C10orf67: variants seen among roughly 807,000 people sequenced by gnomAD.
C10orf67 encodes the protein chromosome 10 open reading frame 67.
C10orf67 carries 60 observed loss-of-function variants against 35.6 expected under a neutral mutation model. The ratio of observed to expected loss-of-function variants is 1.68; its 90% CI spans 1.37 to 2.09. C10orf67 has a LOEUF of 2.09. Among genes scored for constraint, C10orf67 ranks in the 30% most tolerant of loss-of-function variants. The pLI is 0.00. For missense variants in C10orf67, 474 were observed against 330.2 expected, an observed-to-expected ratio of 1.44 and a Z score of -3.38; for synonymous variants, 167 against 115.8, an observed-to-expected ratio of 1.44 and a Z score of -2.84.
chr10:23,257,832 G>A (rs973739778), intron 10 of C10orf67, among the ~76,000 whole-genome samples: 1 of 151,518 alleles, frequency 6.6e-6, no homozygotes, highest in Non-Finnish European at 1.5e-5. Context: ...CTGTGGTCTA[G>A]TAGAGGTAAC....
rs569775592 is a variant in C10orf67 at position 23,206,532 on chromosome 10, C to T, written c.1571-2277G>A. Among the ~76,000 whole-genome samples the T allele has an allele frequency of 2.6e-5, 4 of 152,244 alleles. No individual in the cohort carries two copies. The South Asian group carries it at 6.2e-4, about 24-fold the overall frequency. On this transcript the variant is annotated intron_variant, in intron 15 of 15. Coordinates refer to ENST00000636213, the MANE Select transcript of C10orf67 (RefSeq NM_001371909.1). The stretch of plus-strand genomic sequence containing the variant: ...ACAACAATGCTGCCCTGGAGATGAC[C>T]TATTGCTTTCAAGTTGCTTGAACAC...
At chr10:23,221,966 A>G (rs1449193226) in intron 15 of C10orf67, among the ~76,000 whole-genome samples, 1 of 152,228 alleles carries the variant, frequency 6.6e-6, no homozygotes, top group East Asian at 1.9e-4. Context: ...GGTTATGTCC[A>G]CAGGCATCTG....
chr10:23,282,346 C>T (rs180787599), intron 7 of C10orf67, among the ~76,000 whole-genome samples: 166 of 152,286 alleles, frequency 1.1e-3, no homozygotes, highest in Admixed American at 2.7e-3. Context: ...AAAGCAAGTC[C>T]TACTCTGTCA....
chr10:23,305,967 G>GCACACA (rs149195889), intron 4 of C10orf67, among the ~76,000 whole-genome samples: 3 of 149,492 alleles, frequency 2.0e-5, no homozygotes, highest in South Asian at 4.2e-4. Flanking sequence ...TTACATACGC[G>GCACACA]CACACACACA....
intron 8 of C10orf67, among the ~76,000 whole-genome samples, chr10:23,274,165 C>T (rs1395901749): frequency 6.6e-6 from 1 of 152,032 alleles, no homozygotes; most frequent in African/African-American, 2.4e-5. Flanking sequence ...AATGAAAGAT[C>T]ACAAGTCAAA....
intron 2 of C10orf67, among the ~76,000 whole-genome samples, 175 bp from the exon 3 acceptor site, chr10:23,322,712 G>C (rs950592007): frequency 2.0e-5 from 3 of 152,034 alleles, no homozygotes; most frequent in African/African-American, 7.2e-5. Context: ...AGAGGATCAG[G>C]GAAAATACCT....
intron 15 of C10orf67, among the ~76,000 whole-genome samples, chr10:23,210,851 G>A (rs1225564972): frequency 6.6e-6 from 1 of 152,184 alleles, no homozygotes; most frequent in Admixed American, 6.5e-5. Flanking sequence ...CTTCAAAGAA[G>A]TAGCTTTCTA....
intron 10 of C10orf67, among the ~76,000 whole-genome samples, chr10:23,262,478 G>T (rs547050069): frequency 1.3e-5 from 2 of 152,314 alleles, no homozygotes; most frequent in East Asian, 3.9e-4. Flanking sequence ...CCCAATGGCT[G>T]ACAGTGCTTT....
intron 1 of C10orf67, among the ~76,000 whole-genome samples, chr10:23,341,143 C>G (rs1845867639): frequency 6.6e-6 from 1 of 152,180 alleles, no homozygotes; most frequent in Admixed American, 6.5e-5. Context: ...CACTTCCTGG[C>G]TGATGTCACC....
chr10:23,343,030 T>C (rs1845966331), intron 1 of C10orf67, among the ~76,000 whole-genome samples: 1 of 152,248 alleles, frequency 6.6e-6, no homozygotes, highest in Admixed American at 6.5e-5. Flanking sequence ...CCCAGAAACA[T>C]CAGCTCTACA....
intron 10 of C10orf67, among the ~76,000 whole-genome samples, chr10:23,259,027 T>C (rs1162053196): frequency 1.3e-5 from 2 of 152,248 alleles, no homozygotes; most frequent in Non-Finnish European, 2.9e-5. Flanking sequence ...TCTACCTTCA[T>C]GTTCTAGTGG....
chr10:23,227,927 C>T (rs925578408), intron 13 of C10orf67, among the ~76,000 whole-genome samples: 13 of 152,056 alleles, frequency 8.5e-5, no homozygotes, highest in African/African-American at 2.9e-4. Flanking sequence ...CACTGCTCAT[C>T]GAAATCAAAG....
chr10:23,280,426 A>C (rs1394365394), intron 8 of C10orf67, among the ~76,000 whole-genome samples: 1 of 152,210 alleles, frequency 6.6e-6, no homozygotes, highest in Non-Finnish European at 1.5e-5. Context: ...AGCAACAACA[A>C]GGCCAGGCTG....
intron 13 of C10orf67, among the ~76,000 whole-genome samples, chr10:23,234,236 C>G (rs1359348175): frequency 6.6e-6 from 1 of 152,132 alleles, no homozygotes; most frequent in Non-Finnish European, 1.5e-5. Context: ...ATGTTAATTG[C>G]AGCACTATTC....
intron 5 of C10orf67, among the ~76,000 whole-genome samples, chr10:23,292,736 T>C (rs112640254): frequency 1.3e-3 from 192 of 152,282 alleles, no homozygotes; most frequent in African/African-American, 4.5e-3. Flanking sequence ...TGTGTGTGTG[T>C]GTGTGTGTAA....
At chr10:23,294,121 T>G (rs1010212877) in intron 5 of C10orf67, among the ~76,000 whole-genome samples, 1 of 152,122 alleles carries the variant, frequency 6.6e-6, no homozygotes, top group Non-Finnish European at 1.5e-5. Flanking sequence ...CTCATGACAG[T>G]CACAGAGAAG....
intron 1 of C10orf67, chr10:23,343,925 G>T: frequency 2.1e-6 from 1 of 466,800 alleles, no homozygotes; most frequent in South Asian, 1.6e-5. Flanking sequence ...AACTGGAATT[G>T]TTCAATAGAG....
intron 2 of C10orf67, among the ~76,000 whole-genome samples, chr10:23,328,993 C>A (rs1468046528): frequency 0.021 from 1,604 of 78,176 alleles, no homozygotes; most frequent in Non-Finnish European, 0.022. Context: ...CATAAACGAA[C>A]AAAAAAAAAA....
chr10:23,334,164 A>T (rs1214751922), intron 1 of C10orf67, among the ~76,000 whole-genome samples: 1 of 152,168 alleles, frequency 6.6e-6, no homozygotes, highest in Non-Finnish European at 1.5e-5. Flanking sequence ...AGGTCTTGAA[A>T]CCAAAAAGTT....
Sources: gnomAD v4.1 joint callset for allele counts (sites outside exome capture counted in the v4.1 genomes callset) on GRCh38, gnomAD v4.1.1 for gene constraint, MANE v1.5 for transcripts, NCBI Gene and HGNC (gene_info 2026-07-23, HGNC 2026-07-21) for gene names.